Variants in NMNAT2 observed in about 807,000 individuals in gnomAD.
The protein encoded by NMNAT2 is nicotinamide/nicotinic acid mononucleotide adenylyltransferase 2.
A neutral mutation model predicts 41.6 loss-of-function variants in NMNAT2; 11 were observed. The ratio of observed to expected loss-of-function variants is 0.26; its 90% CI spans 0.17 to 0.44. The LOEUF (loss-of-function observed/expected upper bound fraction) is 0.44. NMNAT2 is among the 20% of genes least tolerant of loss of function. NMNAT2 has a pLI of 1.00. For synonymous variants in NMNAT2, 148 were observed against 151.2 expected, an observed-to-expected ratio of 0.98 and a Z score of 0.16; for missense variants, 288 against 407.7, an observed-to-expected ratio of 0.71 and a Z score of 2.53.
intron 7 of NMNAT2, among the ~76,000 whole-genome samples, chr1:183,279,325 G>T (rs1661202427): frequency 6.6e-6 from 1 of 152,222 alleles, no homozygotes; most frequent in Non-Finnish European, 1.5e-5. Flanking sequence ...GCAGCAAACT[G>T]ACTCACTTAT....
At chr1:183,416,417 A>T (rs1196710733) in intron 1 of NMNAT2, among the ~76,000 whole-genome samples, 1 of 152,220 alleles carries the variant, frequency 6.6e-6, no homozygotes, top group African/African-American at 2.4e-5. Flanking sequence ...GCGCATCAAC[A>T]TAAAGTGCTA....
chr1:183,368,416 G>A (rs983849535), intron 1 of NMNAT2, among the ~76,000 whole-genome samples: 4 of 152,102 alleles, frequency 2.6e-5, no homozygotes, highest in Non-Finnish European at 4.4e-5. Context: ...CCTGGGCTGC[G>A]CTGTCTCATC....
intron 1 of NMNAT2, among the ~76,000 whole-genome samples, chr1:183,333,937 C>T (rs573029992): frequency 1.3e-5 from 2 of 152,268 alleles, no homozygotes; most frequent in South Asian, 4.1e-4. Context: ...GTCTAATTGT[C>T]CCCAGTAAGT....
rs148183373 is a variant in NMNAT2 at position 183,373,281 on chromosome 1, A to G, written c.85+44902T>C. ...TGTCTGGCTCTCTTTAAAAGTCGGT[A>G]TTCTCTATGTGGTCAGAAACCTAAG... On this transcript the variant is annotated intron_variant, in intron 1 of 10. Coordinates refer to ENST00000287713, the MANE Select transcript of NMNAT2 (RefSeq NM_015039.4). 1.3e-3 allele frequency among the ~76,000 whole-genome samples: 199 copies of G among 152,358 alleles called. 1 individual carries two copies. Among genetic ancestry groups the G allele is most frequent in the African/African-American group, 4.2e-3 (174 of 41,598 alleles).
chr1:183,297,718 G>A (rs1054660957), intron 1 of NMNAT2, among the ~76,000 whole-genome samples: 1 of 152,126 alleles, frequency 6.6e-6, no homozygotes, highest in Non-Finnish European at 1.5e-5. Flanking sequence ...TATAAAGCCA[G>A]TATTACCCTG....
At chr1:183,349,226 C>A (rs116118316) in intron 1 of NMNAT2, among the ~76,000 whole-genome samples, 116 of 152,362 alleles carry the variant, frequency 7.6e-4, no homozygotes, top group African/African-American at 2.7e-3. Context: ...TTTAATAACA[C>A]CATTCTGCAT....
At chr1:183,393,264 T>C (rs1484528276) in intron 1 of NMNAT2, among the ~76,000 whole-genome samples, 1 of 152,200 alleles carries the variant, frequency 6.6e-6, no homozygotes, top group Non-Finnish European at 1.5e-5. Context: ...ATTCTTTCTC[T>C]TATACAGTCA....
At chr1:183,298,068 G>A (rs1661750390) in intron 1 of NMNAT2, among the ~76,000 whole-genome samples, 2 of 152,160 alleles carry the variant, frequency 1.3e-5, no homozygotes, top group South Asian at 4.1e-4. Flanking sequence ...TTGACAAAGA[G>A]CATCTGCAAA....
At chr1:183,411,130 C>T (rs1363051869) in intron 1 of NMNAT2, among the ~76,000 whole-genome samples, 1 of 152,148 alleles carries the variant, frequency 6.6e-6, no homozygotes, top group Non-Finnish European at 1.5e-5. Context: ...TAACTTCCTC[C>T]ATGTTCCCAC....
rs150580483 is a variant in NMNAT2 at position 183,411,148 on chromosome 1, C to G, written c.85+7035G>C. On this transcript the variant is annotated intron_variant, in intron 1 of 10. Coordinates refer to ENST00000287713, the MANE Select transcript of NMNAT2 (RefSeq NM_015039.4). ...CTTCCTCCATGTTCCCACTTTACCTCATTCTCACCTCTTTTGTAACACTTT... is the reference window on the plus strand; with the variant it reads ...CTTCCTCCATGTTCCCACTTTACCTGATTCTCACCTCTTTTGTAACACTTT... Among the ~76,000 whole-genome samples the G allele has an allele frequency of 6.6e-5, 10 of 152,274 alleles. No individual in the cohort carries two copies. In the East Asian group the frequency reaches 1.9e-3, roughly 29 times the overall value.
intron 1 of NMNAT2, among the ~76,000 whole-genome samples, chr1:183,372,797 A>G (rs1361487494): frequency 6.6e-6 from 1 of 152,210 alleles, no homozygotes; most frequent in Non-Finnish European, 1.5e-5. Flanking sequence ...TGTTATAGAG[A>G]TGAGATACTC....
intron 1 of NMNAT2, among the ~76,000 whole-genome samples, chr1:183,389,756 GAAAGAAAGAA>G (rs1557897480): frequency 0.045 from 1,206 of 26,854 alleles, 50 homozygotes; most frequent in Middle Eastern, 0.085. Flanking sequence ...AAGAAAGAAA[GAAAGAAAGAA>G]AGAAAGAAAG....
At chr1:183,343,187 A>T (rs1039317503) in intron 1 of NMNAT2, among the ~76,000 whole-genome samples, 3 of 152,144 alleles carry the variant, frequency 2.0e-5, no homozygotes, top group Admixed American at 2.0e-4. Flanking sequence ...ACATCCAAGC[A>T]ATCACCAAGC....
At chr1:183,295,201 C>T (rs797000192) in intron 1 of NMNAT2, among the ~76,000 whole-genome samples, 4 of 152,180 alleles carry the variant, frequency 2.6e-5, no homozygotes, top group African/African-American at 9.6e-5. Context: ...ACGGGTTCCA[C>T]GTGTCGGCCA....
At chr1:183,348,754 A>G (rs554717022) in intron 1 of NMNAT2, among the ~76,000 whole-genome samples, 1 of 152,330 alleles carries the variant, frequency 6.6e-6, no homozygotes, top group East Asian at 1.9e-4. Context: ...GATGGAAGGA[A>G]GGTATTCTGC....
intron 6 of NMNAT2, 60 bp downstream of exon 6, chr1:183,284,650 A>G: frequency 7.2e-7 from 1 of 1,381,790 alleles, no homozygotes; most frequent in South Asian, 1.2e-5. Context: ...TGCTGAAGGA[A>G]TGAAGGGAGG....
intron 1 of NMNAT2, among the ~76,000 whole-genome samples, chr1:183,400,333 A>G (rs1301068016): frequency 2.0e-5 from 3 of 152,210 alleles, no homozygotes; most frequent in African/African-American, 7.2e-5. Context: ...AGAGAATAAA[A>G]TACCTAGGAA....
chr1:183,278,731 T>G (rs764759447), intron 7 of NMNAT2, 102 bp from the exon 8 acceptor site: 51 of 826,202 alleles, frequency 6.2e-5, no homozygotes, highest in Non-Finnish European at 9.1e-5. Flanking sequence ...TCTCCCACCT[T>G]TGGGGATGTG....
intron 1 of NMNAT2, among the ~76,000 whole-genome samples, chr1:183,370,120 G>A (rs1016260773): frequency 6.6e-6 from 1 of 151,958 alleles, no homozygotes; most frequent in Non-Finnish European, 1.5e-5. Flanking sequence ...GGGTGGCAAA[G>A]GGCTCCTCTG....
Sources: allele counts gnomAD v4.1 joint callset (sites outside exome capture counted in the v4.1 genomes callset), GRCh38; gene constraint gnomAD v4.1.1; transcripts MANE v1.5; gene names NCBI Gene and HGNC (gene_info 2026-07-23, HGNC 2026-07-21).